The following LNX1 variants were observed in gnomAD, a reference collection of about 807,000 sequenced individuals.
LNX1 encodes the protein ligand of numb-protein X 1.
A neutral mutation model predicts 68.4 loss-of-function variants in LNX1; 54 were observed. The observed-to-expected ratio is 0.79, with a 90% CI of 0.63 to 0.99. The LOEUF (loss-of-function observed/expected upper bound fraction) is 0.99, where lower values mean the gene tolerates loss of function less well. Ranked by LOEUF, LNX1 falls within the 50% of genes least tolerant of loss-of-function variation. The pLI is 0.00. For missense variants in LNX1, 906 were observed against 926.4 expected, an observed-to-expected ratio of 0.98 and a Z score of 0.29; for synonymous variants, 336 against 350.0, an observed-to-expected ratio of 0.96 and a Z score of 0.45.
intron 1 of LNX1, among the ~76,000 whole-genome samples, chr4:53,584,398 G>A (rs933773752): frequency 3.9e-5 from 6 of 152,068 alleles, no homozygotes; most frequent in African/African-American, 1.4e-4. Flanking sequence ...GAAAAAAAAT[G>A]TAAAAACACT....
intron 1 of LNX1, among the ~76,000 whole-genome samples, chr4:53,576,608 G>A (rs1409697166): frequency 2.0e-5 from 3 of 151,618 alleles, no homozygotes; most frequent in South Asian, 4.2e-4. Flanking sequence ...CTAAGGGGAG[G>A]GGAAACATTA....
At position 53,461,504 on chromosome 4, in the gene LNX1, T is replaced by C; in HGVS notation, c.1982A>G (p.Asn661Ser). ...FCIVGGYEEY[N>S]GNKPFFIKSI... Reference sequence around the variant, plus strand: ...TTTGATGAAAAAAGGTTTGTTTCCATTGTATTCTTCATAACCTCCTACAAT... The same window carrying C: ...TTTGATGAAAAAAGGTTTGTTTCCACTGTATTCTTCATAACCTCCTACAAT... The change falls in exon 10 of 11, where the codon AAT (asparagine) becomes AGT (serine). Residue 661 changes from asparagine (N) to serine (S), a missense_variant. By Grantham distance (46) the Asn-to-Ser change is conservative. Coordinates refer to ENST00000263925, the MANE Select transcript of LNX1 (RefSeq NM_001126328.3). The C allele has an allele frequency of 1.2e-6, 2 of 1,612,682 alleles. No individual in the cohort carries two copies. Among genetic ancestry groups the C allele is most frequent in the Non-Finnish European group, 1.7e-6 (2 of 1,179,040 alleles).
chr4:53,460,176 C>A lies in LNX1; in HGVS notation c.*731G>T. On this transcript the variant is annotated 3_prime_UTR_variant, in exon 11 of 11. Coordinates refer to ENST00000263925, the MANE Select transcript of LNX1 (RefSeq NM_001126328.3). ...TGAGCCAGGGTCAAGCTGGTTTGGC[C>A]TTCTTGATGCATTTTCCAAGGCCCA... 1 of 197,636 alleles carries A rather than the reference C, an allele frequency of 5.1e-6. No homozygotes were observed. 12.2% of individuals were successfully genotyped at this position (197,636 alleles called of 1,614,324 possible).
upstream of LNX1, among the ~76,000 whole-genome samples, chr4:53,621,369 A>G (rs1354827901): frequency 6.6e-6 from 1 of 152,168 alleles, no homozygotes; most frequent in African/African-American, 2.4e-5. Context: ...TTGCCTGTGC[A>G]TCTTCAGTAC....
intron 2 of LNX1, among the ~76,000 whole-genome samples, chr4:53,561,659 C>T (rs1730296177): frequency 6.6e-6 from 1 of 152,174 alleles, no homozygotes; most frequent in African/African-American, 2.4e-5. Context: ...GAAGAAACTC[C>T]CAGGACACTG....
At chr4:53,645,001 C>T (rs1295032639) in intron 1 of LNX1, among the ~76,000 whole-genome samples, 1 of 152,128 alleles carries the variant, frequency 6.6e-6, no homozygotes, top group Non-Finnish European at 1.5e-5. Flanking sequence ...CAATTCTTGC[C>T]AACAGCAGGA....
intron 2 of LNX1, chr4:53,539,022 T>C (rs1285020504): frequency 6.6e-6 from 1 of 152,222 alleles, no homozygotes; most frequent in African/African-American, 2.4e-5. Flanking sequence ...CTAAATCAAC[T>C]TGGTCCCCCT....
chr4:53,627,088 C>T (rs1380421272), intron 1 of LNX1, among the ~76,000 whole-genome samples: 1 of 152,140 alleles, frequency 6.6e-6, no homozygotes, highest in African/African-American at 2.4e-5. Flanking sequence ...GCTTCCTTTG[C>T]CCCAGGTACA....
intron 2 of LNX1, among the ~76,000 whole-genome samples, chr4:53,565,871 C>G (rs1425120558): frequency 6.6e-6 from 1 of 151,246 alleles, no homozygotes; most frequent in Non-Finnish European, 1.5e-5. Context: ...CAGGAGCCGA[C>G]GTGATCAACT....
At chr4:53,558,799 T>G (rs1258909053) in intron 2 of LNX1, among the ~76,000 whole-genome samples, 1 of 152,206 alleles carries the variant, frequency 6.6e-6, no homozygotes. Flanking sequence ...TTGTTTCATT[T>G]AAGCTCTCAA....
Position 53,459,394 on chromosome 4 carries a change from C to T in LNX1, c.*1513G>A, listed in dbSNP as rs377576240. On this transcript the variant is annotated 3_prime_UTR_variant, in exon 11 of 11. Transcript: ENST00000263925. Reference sequence around the variant, plus strand: ...AAAAGAAGCAAAGAAGGAAAAGAAGCGGGCAGTGAGCCTGCCCCTGAACAG... The same window carrying T: ...AAAAGAAGCAAAGAAGGAAAAGAAGTGGGCAGTGAGCCTGCCCCTGAACAG... 108 of 1,610,514 alleles carry T rather than the reference C, an allele frequency of 6.7e-5. No individual in the cohort carries two copies. Among genetic ancestry groups the T allele is most frequent in the Non-Finnish European group, 8.1e-5 (95 of 1,179,352 alleles).
At chr4:53,591,608 G>A, upstream of LNX1, 1 of 985,066 alleles carries the variant, frequency 1.0e-6, no homozygotes. Context: ...GAGACCTTAG[G>A]GATTGAAAGA....
chr4:53,511,481 G>A (rs1020650909), intron 2 of LNX1, among the ~76,000 whole-genome samples: 7 of 152,152 alleles, frequency 4.6e-5, no homozygotes, highest in African/African-American at 1.7e-4. Context: ...GAACTTGAAG[G>A]ATGAATACAA....
chr4:53,574,586 C>T (rs762885815), intron 1 of LNX1, among the ~76,000 whole-genome samples: 4 of 152,158 alleles, frequency 2.6e-5, no homozygotes, highest in Admixed American at 6.5e-5. Flanking sequence ...GCTGTTGAGC[C>T]TTTCATATTT....
At chr4:53,469,117 G>T (rs201201503) in intron 9 of LNX1, among the ~76,000 whole-genome samples, 1 of 152,074 alleles carries the variant, frequency 6.6e-6, no homozygotes, top group Non-Finnish European at 1.5e-5. Context: ...AAATGTAAAA[G>T]AACAGAAATT....
At chr4:53,579,801 T>C (rs1731721250) in intron 1 of LNX1, among the ~76,000 whole-genome samples, 1 of 152,206 alleles carries the variant, frequency 6.6e-6, no homozygotes, top group Admixed American at 6.5e-5. Context: ...CAGATGTAGT[T>C]GCCAGAATAA....
chr4:53,566,506 C>T (rs1337074444), intron 2 of LNX1, among the ~76,000 whole-genome samples: 40 of 147,126 alleles, frequency 2.7e-4, no homozygotes, highest in Middle Eastern at 7.0e-3. Context: ...AAGCGCTAAA[C>T]ATGGAAAGGA....
chr4:53,536,728 A>C (rs1232796718), intron 2 of LNX1, among the ~76,000 whole-genome samples: 1 of 152,198 alleles, frequency 6.6e-6, no homozygotes, highest in Non-Finnish European at 1.5e-5. Context: ...AAGAAGCAGA[A>C]AATGTTCTTG....
chr4:53,593,616 T>C (rs1732612318), upstream of LNX1, among the ~76,000 whole-genome samples: 1 of 152,126 alleles, frequency 6.6e-6, no homozygotes, highest in South Asian at 2.1e-4. Flanking sequence ...GTGAGATCTT[T>C]CTTGGTACTC....
Sources: gnomAD v4.1 joint callset for allele counts (sites outside exome capture counted in the v4.1 genomes callset) on GRCh38, gnomAD v4.1.1 for gene constraint, MANE v1.5 for transcripts, NCBI Gene and HGNC (gene_info 2026-07-23, HGNC 2026-07-21) for gene names.